Variants in KLRG2 observed in about 807,000 individuals in gnomAD.
KLRG2 encodes the protein killer cell lectin-like receptor subfamily G member 2.
Under a neutral mutation model 35.4 loss-of-function variants are expected in KLRG2, and 39 were observed. The observed-to-expected ratio is 1.10, with a 90% confidence interval of 0.85 to 1.44. The LOEUF is 1.44. Among genes scored for constraint, KLRG2 ranks in the 40% most tolerant of loss-of-function variants. KLRG2 has a pLI of 0.00. For missense variants in KLRG2, 632 were observed against 570.9 expected (o/e 1.11, Z -1.09); for synonymous variants, 283 against 265.8 (o/e 1.06, Z -0.63).
rs199646931 is a variant in KLRG2, at chr7:139,472,443, C to CA, written c.1005+7183dup. 6.4e-3 allele frequency among the ~76,000 whole-genome samples: 952 copies of CA among 149,190 alleles called. 5 individuals carry two copies. The highest frequency in any genetic ancestry group is 0.011 in the South Asian group (50 of 4,672). On this transcript the variant is annotated intron_variant, in intron 3 of 4. Transcript: ENST00000340940. ...TTTAAAAAATAGAAAGAAAAAAGGA[C>CA]AAAAAAAAATGGGAAGAGAAGCTGA...
At chr7:139,467,809 C>G (rs1042344815) in intron 3 of KLRG2, among the ~76,000 whole-genome samples, 3 of 148,226 alleles carry the variant, frequency 2.0e-5, no homozygotes, top group African/African-American at 7.7e-5. Flanking sequence ...GACCGTCCCC[C>G]AGCCCGACAC....
At chr7:139,480,098 G>T in intron 2 of KLRG2, 48 bp downstream of exon 2, 2 of 1,244,904 alleles carry the variant, frequency 1.6e-6, no homozygotes, top group Non-Finnish European at 1.2e-6. Context: ...CACAGCCCCA[G>T]TAGTGGAGCG....
the KLRG2 span, among the ~76,000 whole-genome samples, chr7:139,429,032 T>G: frequency 1.3e-5 from 2 of 152,222 alleles, no homozygotes; most frequent in Non-Finnish European, 2.9e-5. Context: ...AATAATCACT[T>G]TAGGCCAGGC....
rs1415662770 is a variant in KLRG2, at chr7:139,454,837, TAATAATAATAATAATA to T, written c.1006-639_1006-624del. Among the ~76,000 whole-genome samples, 4 of 76,842 alleles carry T rather than the reference TAATAATAATAATAATA, an allele frequency of 5.2e-5. No homozygotes were observed. In the East Asian group the frequency reaches 1.2e-3, roughly 22 times the overall value. 50.4% of individuals were successfully genotyped at this position (76,842 alleles called of 152,430 possible). A position where few individuals can be genotyped will look rare whatever the true frequency, so the allele number is the denominator to read the frequency against. ...TATCTCAAAATAATAATAATAATAA[TAATAATAATAATAATA>T]ATAATAATAATAACACACGCAGATG... On this transcript the variant is annotated intron_variant, in intron 3 of 4. Coordinates refer to ENST00000340940, the MANE Select transcript of KLRG2 (RefSeq NM_198508.4).
At position 139,454,135 on chromosome 7, in the gene KLRG2, T is replaced by G; in HGVS notation, c.1085A>C (p.Asp362Ala). ...CAGCTGGGGCGGGAGTGGGGCCTCGTCGATCCAGTGCCAGCCCTGGGGGCC... is the reference window on the plus strand; with the variant it reads ...CAGCTGGGGCGGGAGTGGGGCCTCGGCGATCCAGTGCCAGCCCTGGGGGCC... ...WRGPQGWHWI[D>A]EAPLPPQLLP... is the part of the protein sequence containing the mutation. Residue 362 changes from aspartate (D) to alanine (A), a missense_variant, in exon 4 of 5, where the codon GAC becomes GCC. Asp to Ala is a moderately radical substitution (Grantham distance 126, BLOSUM62 -2). Transcript: ENST00000340940. The G allele has an allele frequency of 6.5e-7, 1 of 1,545,368 alleles. No homozygotes were observed. The highest frequency in any genetic ancestry group is 8.8e-7 in the Non-Finnish European group (1 of 1,142,526).
chr7:139,429,333 C>A, the KLRG2 span, among the ~76,000 whole-genome samples: 1 of 151,692 alleles, frequency 6.6e-6, no homozygotes, highest in Non-Finnish European at 1.5e-5. Context: ...ATCATCACTT[C>A]AAGTCGTTCT....
the KLRG2 span, among the ~76,000 whole-genome samples, chr7:139,441,638 G>A: frequency 6.6e-6 from 1 of 152,112 alleles, no homozygotes; most frequent in Non-Finnish European, 1.5e-5. Context: ...TGGGCATGGT[G>A]GTGCACACCT....
At chr7:139,478,454 G>A (rs1796894604) in intron 3 of KLRG2, among the ~76,000 whole-genome samples, 1 of 151,016 alleles carries the variant, frequency 6.6e-6, no homozygotes, top group African/African-American at 2.4e-5. Context: ...CGGATTACCT[G>A]AGGTGGGGAT....
At chr7:139,478,148 C>T (rs1422407969) in intron 3 of KLRG2, among the ~76,000 whole-genome samples, 4 of 149,054 alleles carry the variant, frequency 2.7e-5, no homozygotes, top group Admixed American at 6.6e-5. Context: ...GTGGGAGGAT[C>T]GCTTGAGTCC....
downstream of KLRG2, among the ~76,000 whole-genome samples, chr7:139,452,537 C>G (rs1168964409): frequency 6.6e-6 from 1 of 152,164 alleles, no homozygotes; most frequent in Non-Finnish European, 1.5e-5. Context: ...CTGGTTCAAA[C>G]GCACCAATAA....
chr7:139,478,004 C>T (rs1251528166), intron 3 of KLRG2, among the ~76,000 whole-genome samples: 2 of 151,724 alleles, frequency 1.3e-5, no homozygotes, highest in East Asian at 2.0e-4. Context: ...GTGATCCACC[C>T]GCCTCGGCCT....
intron 3 of KLRG2, among the ~76,000 whole-genome samples, chr7:139,471,630 C>A (rs149462770): frequency 1.5e-3 from 233 of 152,146 alleles, no homozygotes; most frequent in African/African-American, 5.3e-3. Context: ...CACCGCACTC[C>A]AGCCTGGACA....
the KLRG2 span, among the ~76,000 whole-genome samples, chr7:139,433,697 C>T: frequency 6.7e-6 from 1 of 149,734 alleles, no homozygotes; most frequent in South Asian, 2.1e-4. Flanking sequence ...CACATTCTCG[C>T]CTCACTGCCG....
chr7:139,444,370 G>A, the KLRG2 span, among the ~76,000 whole-genome samples: 1 of 65,866 alleles, frequency 1.5e-5, no homozygotes, highest in Non-Finnish European at 2.5e-5. Context: ...TAGTAGAGAA[G>A]GGGGTTTCAC....
At chr7:139,432,366 AG>A in the KLRG2 span, among the ~76,000 whole-genome samples, 5 of 151,876 alleles carry the variant, frequency 3.3e-5, no homozygotes, top group Admixed American at 2.0e-4. Context: ...AAAAAGAAAA[AG>A]AAAAAAAAAA....
chr7:139,429,692 A>C, the KLRG2 span, among the ~76,000 whole-genome samples: 1 of 152,144 alleles, frequency 6.6e-6, no homozygotes, highest in Non-Finnish European at 1.5e-5. Context: ...GGTTGGGGGT[A>C]AGGTCACAGA....
chr7:139,442,708 A>T, the KLRG2 span, among the ~76,000 whole-genome samples: 2 of 152,196 alleles, frequency 1.3e-5, no homozygotes, highest in African/African-American at 4.8e-5. Context: ...TTAGCCAGGC[A>T]TTGTGGCACA....
chr7:139,466,153 A>G (rs1796649928), intron 3 of KLRG2, among the ~76,000 whole-genome samples: 2 of 152,142 alleles, frequency 1.3e-5, no homozygotes, highest in African/African-American at 4.8e-5. Flanking sequence ...TCCCTTCCCT[A>G]CACATCAAGC....
chr7:139,476,845 C>G (rs1195555591), intron 3 of KLRG2, among the ~76,000 whole-genome samples: 2 of 152,114 alleles, frequency 1.3e-5, no homozygotes. Context: ...GCACTGTGCA[C>G]CGTCCCTTCA....
Sources: allele counts gnomAD v4.1 joint callset (sites outside exome capture counted in the v4.1 genomes callset), GRCh38; gene constraint gnomAD v4.1.1; transcripts MANE v1.5; gene names NCBI Gene and HGNC (gene_info 2026-07-23, HGNC 2026-07-21).